The following FER1L6 variants were observed in gnomAD, a reference collection of about 807,000 sequenced individuals.
The protein encoded by FER1L6 is fer-1 like family member 6, also known as fer-1-like protein 6.
In FER1L6, 177 loss-of-function variants were observed where a neutral mutation model predicts 219.2. The observed-to-expected ratio is 0.81, with a 90% CI of 0.71 to 0.91. The LOEUF (loss-of-function observed/expected upper bound fraction) is 0.91, where lower values mean the gene tolerates loss of function less well. Ranked by LOEUF, FER1L6 falls within the 40% of genes least tolerant of loss-of-function variation. The pLI, the probability that FER1L6 is intolerant of heterozygous loss-of-function variation, is 0.00. For synonymous variants in FER1L6, 768 were observed against 824.3 expected, an observed-to-expected ratio of 0.93 and a Z score of 1.17; for missense variants, 2,153 against 2,259.9, an observed-to-expected ratio of 0.95 and a Z score of 0.96.
chr8:123,889,973 A>G (rs1413418440), intron 1 of FER1L6, among the ~76,000 whole-genome samples: 1 of 152,140 alleles, frequency 6.6e-6, no homozygotes, highest in African/African-American at 2.4e-5. Flanking sequence ...TTAGATAGTA[A>G]AATATTCTTT....
rs1444836214 is a variant in FER1L6, at chr8:123,892,068, A to T, written c.-8+39883A>T. 2.6e-5 allele frequency among the ~76,000 whole-genome samples: 4 copies of T among 152,202 alleles called. 1 individual carries two copies. Among genetic ancestry groups the T allele is most frequent in the Admixed American group, 2.6e-4 (4 of 15,284 alleles). On this transcript the variant is annotated intron_variant, in intron 1 of 40. Coordinates refer to ENST00000522917, the MANE Select transcript of FER1L6 (RefSeq NM_001039112.2). ...ATCGCTGTTTAGTAGAAAGTTGTAAAAGGTTATAAAAGGTTTATAGAAATC... is the reference window on the plus strand; with the variant it reads ...ATCGCTGTTTAGTAGAAAGTTGTAATAGGTTATAAAAGGTTTATAGAAATC...
intron 1 of FER1L6, among the ~76,000 whole-genome samples, chr8:123,920,678 G>A (rs1239976037): frequency 6.6e-6 from 1 of 152,216 alleles, no homozygotes; most frequent in East Asian, 1.9e-4. Flanking sequence ...GTCTGCTGCT[G>A]AGGAATTTTT....
intron 18 of FER1L6, among the ~76,000 whole-genome samples, chr8:124,032,567 T>C (rs10113266): frequency 0.31 from 46,438 of 151,824 alleles, 7,299 homozygotes; most frequent in South Asian, 0.35. Flanking sequence ...CATCTCTACC[T>C]CCCAAAAAAT....
In FER1L6 at chr8:123,975,162, G is replaced by C. The variant is rs1471672775; in HGVS notation, c.539G>C (p.Cys180Ser). The C allele has an allele frequency of 6.2e-7, 1 of 1,603,418 alleles. No individual in the cohort carries two copies. Among genetic ancestry groups the C allele is most frequent in the Non-Finnish European group, 8.5e-7 (1 of 1,175,088 alleles). ...TVYNQPGHQF[C>S]NKWALLTDPG... ...GGTGCTTTCACAGGTCATCAGTTCT[G>C]CAACAAGTGGGCCCTGCTCACAGAC... Residue 180 changes from cysteine to serine, a missense_variant, in exon 8 of 41, where the codon TGC becomes TCC. Physicochemically the swap from Cys to Ser is moderately radical, Grantham distance 112. Transcript: ENST00000522917.
intron 7 of FER1L6, among the ~76,000 whole-genome samples, chr8:123,974,579 T>C (rs1217621774): frequency 6.9e-6 from 1 of 144,668 alleles, no homozygotes; most frequent in Admixed American, 7.4e-5. Flanking sequence ...GAGGTTGCAG[T>C]GAGCTAAGAT....
At chr8:124,011,351 C>CTGTTT (rs994917712) in intron 14 of FER1L6, among the ~76,000 whole-genome samples, 20 of 152,172 alleles carry the variant, frequency 1.3e-4, no homozygotes, top group South Asian at 2.1e-4. Flanking sequence ...ACATAACACC[C>CTGTTT]TGTTTTGTTT....
At chr8:123,912,089 C>T (rs962062167) in intron 1 of FER1L6, among the ~76,000 whole-genome samples, 5 of 152,110 alleles carry the variant, frequency 3.3e-5, no homozygotes, top group South Asian at 2.1e-4. Context: ...ATGAACATTA[C>T]GTGGTACTCA....
intron 25 of FER1L6, among the ~76,000 whole-genome samples, chr8:124,062,610 A>ACAT (rs1256743181): frequency 6.6e-6 from 1 of 152,172 alleles, no homozygotes; most frequent in Admixed American, 6.5e-5. Context: ...TGCTGTGTGT[A>ACAT]CATTAGCCTG....
At chr8:123,997,995 G>T (rs938885618) in intron 12 of FER1L6, among the ~76,000 whole-genome samples, 4 of 152,078 alleles carry the variant, frequency 2.6e-5, no homozygotes, top group African/African-American at 9.7e-5. Context: ...TGCCTTTCTG[G>T]AATTGGTCAC....
Position 124,070,565 on chromosome 8 carries a change from T to C in FER1L6, c.3933T>C (p.Gly1311=). 2 of 1,603,640 alleles carry C rather than the reference T, an allele frequency of 1.2e-6. No homozygotes were observed. The highest frequency in any genetic ancestry group is 1.7e-6 in the Non-Finnish European group (2 of 1,177,022). Reference sequence around the variant, plus strand: ...GCAAGTCTACGGAAGATGACCATGGTCTTGATGGAGACCGAGTCATAGGAA... The same window carrying C: ...GCAAGTCTACGGAAGATGACCATGGCCTTGATGGAGACCGAGTCATAGGAA... The part of the protein sequence containing the change: ...FRGKSTEDDH[G]LDGDRVIGKF... The change falls in exon 30 of 41, where the codon GGT becomes GGC. Residue 1311 remains glycine, a synonymous_variant. Transcript: ENST00000522917.
intron 5 of FER1L6, among the ~76,000 whole-genome samples, chr8:123,966,911 C>G (rs1211021918): frequency 6.6e-6 from 1 of 151,994 alleles, no homozygotes; most frequent in African/African-American, 2.4e-5. Context: ...GAAACCCCAT[C>G]TCTACTAAAA....
chr8:123,965,082 G>T (rs998316923), intron 3 of FER1L6, among the ~76,000 whole-genome samples: 1 of 152,126 alleles, frequency 6.6e-6, no homozygotes. Flanking sequence ...TTTCTTACCT[G>T]CATTGTCTCC....
rs191009177 is a variant in FER1L6 at position 123,999,637 on chromosome 8, T to G, written c.1520-3530T>G. The stretch of plus-strand genomic sequence containing the variant: ...GAGATCAAGCCACTACACTCTAGCC[T>G]GGGCCACAGAGCGAGACTCCATCTC... On this transcript the variant is annotated intron_variant, in intron 12 of 40. Coordinates refer to ENST00000522917, the MANE Select transcript of FER1L6 (RefSeq NM_001039112.2). 1.4e-3 allele frequency among the ~76,000 whole-genome samples: 220 copies of G among 152,272 alleles called. 1 individual carries two copies. The highest frequency in any genetic ancestry group is 5.1e-3 in the African/African-American group (210 of 41,530).
At chr8:124,116,434 C>T (rs1339387874) in intron 39 of FER1L6, among the ~76,000 whole-genome samples, 1 of 150,126 alleles carries the variant, frequency 6.7e-6, no homozygotes, top group Admixed American at 6.6e-5. Context: ...TTATAAAGTG[C>T]CATAGCCAAA....
intron 12 of FER1L6, among the ~76,000 whole-genome samples, chr8:123,994,051 A>T (rs1817000217): frequency 6.6e-6 from 1 of 152,174 alleles, no homozygotes; most frequent in Non-Finnish European, 1.5e-5. Flanking sequence ...TCCTTCCTGG[A>T]TGCTGTTATT....
chr8:123,950,863 C>T (rs1814730835), intron 1 of FER1L6, among the ~76,000 whole-genome samples: 1 of 152,132 alleles, frequency 6.6e-6, no homozygotes, highest in Non-Finnish European at 1.5e-5. Flanking sequence ...ATTTTTGATC[C>T]AGAAGAGGAT....
At chr8:124,049,007 G>C (rs564062848) in intron 21 of FER1L6, among the ~76,000 whole-genome samples, 1 of 151,800 alleles carries the variant, frequency 6.6e-6, no homozygotes, top group Non-Finnish European at 1.5e-5. Flanking sequence ...AGATAGCTTT[G>C]GGCCAGAAAG....
At chr8:124,086,824 T>G (rs1333671131) in intron 33 of FER1L6, among the ~76,000 whole-genome samples, 1 of 152,202 alleles carries the variant, frequency 6.6e-6, no homozygotes, top group African/African-American at 2.4e-5. Flanking sequence ...TCTTTATTTC[T>G]CCTTCATATT....
chr8:123,996,320 T>A (rs1238978358), intron 12 of FER1L6, among the ~76,000 whole-genome samples: 1 of 152,188 alleles, frequency 6.6e-6, no homozygotes, highest in African/African-American at 2.4e-5. Flanking sequence ...AATTCCTTTA[T>A]AAATCTGGGT....
Sources: allele counts gnomAD v4.1 joint callset (sites outside exome capture counted in the v4.1 genomes callset), GRCh38; gene constraint gnomAD v4.1.1; transcripts MANE v1.5; gene names NCBI Gene and HGNC (gene_info 2026-07-23, HGNC 2026-07-21).